Variants in NAA16 observed in about 807,000 individuals in gnomAD.
The protein encoded by NAA16 is N-alpha-acetyltransferase 16, NatA auxiliary subunit, also known as NARG1-like protein.
NAA16 carries 97 observed loss-of-function variants against 110.3 expected under a neutral mutation model. That is an observed-to-expected ratio of 0.88 (90% CI 0.75 to 1.04). The LOEUF (loss-of-function observed/expected upper bound fraction) is 1.04, where lower values mean the gene tolerates loss of function less well. Ranked by LOEUF, NAA16 falls within the 50% of genes least tolerant of loss-of-function variation. The probability of loss-of-function intolerance (pLI) is 0.00; values close to 1 mark genes in which losing one functional copy is unlikely to be tolerated. For missense variants in NAA16, 1,017 were observed against 1,005.1 expected (o/e 1.01, Z -0.16); for synonymous variants, 372 against 330.6 (o/e 1.13, Z -1.36).
At chr13:41,373,364 T>A (rs2043361044) in intron 17 of NAA16, 3 of 305,198 alleles carry the variant, frequency 9.8e-6, no homozygotes, top group Non-Finnish European at 1.4e-5. Flanking sequence ...TTCAAGTGAT[T>A]CTCCTGACTC....
intron 9 of NAA16, 80 bp from the exon 10 acceptor site, chr13:41,355,064 C>T: frequency 2.4e-6 from 2 of 836,908 alleles, no homozygotes; most frequent in Admixed American, 2.4e-5. Context: ...GTATATTTTC[C>T]AAATGTAATT....
chr13:41,345,990 C>A (rs1470191969), intron 9 of NAA16, among the ~76,000 whole-genome samples: 1 of 152,178 alleles, frequency 6.6e-6, no homozygotes, highest in Non-Finnish European at 1.5e-5. Context: ...ATTTGATGCA[C>A]TAAAAATTTT....
chr13:41,360,612 G>T (rs2043093132), intron 12 of NAA16, among the ~76,000 whole-genome samples: 1 of 152,162 alleles, frequency 6.6e-6, no homozygotes, highest in Admixed American at 6.5e-5. Flanking sequence ...TTGCCATGCT[G>T]TATGGCAAGC....
intron 13 of NAA16, among the ~76,000 whole-genome samples, chr13:41,366,500 G>A (rs1338550360): frequency 6.6e-6 from 1 of 152,084 alleles, no homozygotes; most frequent in Non-Finnish European, 1.5e-5. Flanking sequence ...ATGCATGCAG[G>A]GGAACAGTAT....
chr13:41,359,136 G>A (rs577588450), intron 12 of NAA16, among the ~76,000 whole-genome samples, 174 bp downstream of exon 12: 1 of 152,014 alleles, frequency 6.6e-6, no homozygotes, highest in Non-Finnish European at 1.5e-5. Context: ...TCTTACTGTG[G>A]TTGTGTATCT....
intron 1 of NAA16, among the ~76,000 whole-genome samples, chr13:41,314,142 A>G (rs1274164677): frequency 2.6e-5 from 4 of 152,146 alleles, no homozygotes; most frequent in Non-Finnish European, 5.9e-5. Flanking sequence ...TGCATCTCAT[A>G]GGCTTTCCTG....
intron 10 of NAA16, among the ~76,000 whole-genome samples, chr13:41,356,992 G>C (rs527539670): frequency 6.6e-6 from 1 of 152,260 alleles, no homozygotes; most frequent in South Asian, 2.1e-4. Context: ...TAAAGATTCA[G>C]ATGTTGTCAG....
At chr13:41,327,097 GTAGT>G in intron 6 of NAA16, among the ~76,000 whole-genome samples, 1 of 151,680 alleles carries the variant, frequency 6.6e-6, no homozygotes, top group South Asian at 2.1e-4. Context: ...TTTTCACTTA[GTAGT>G]GTATGTTTTT....
intron 13 of NAA16, 34 bp from the exon 14 acceptor site, chr13:41,367,405 T>A: frequency 6.9e-7 from 1 of 1,456,556 alleles, no homozygotes; most frequent in Non-Finnish European, 9.5e-7. Context: ...TTGACATAAA[T>A]GTAAAGGTTA....
intron 19 of NAA16, among the ~76,000 whole-genome samples, 178 bp from the exon 20 acceptor site, chr13:41,375,227 G>A (rs766035746): frequency 2.0e-5 from 3 of 152,086 alleles, no homozygotes; most frequent in African/African-American, 4.8e-5. Flanking sequence ...TGCCTTTTTC[G>A]GGGTTGAATT....
intron 9 of NAA16, among the ~76,000 whole-genome samples, chr13:41,350,830 G>T (rs560162035): frequency 6.6e-6 from 1 of 152,104 alleles, no homozygotes; most frequent in East Asian, 1.9e-4. Context: ...TTACCATGTT[G>T]CCCAGGCTGG....
At chr13:41,324,618 C>T (rs564267969) in intron 5 of NAA16, among the ~76,000 whole-genome samples, 2 of 151,628 alleles carry the variant, frequency 1.3e-5, no homozygotes, top group South Asian at 4.2e-4. Flanking sequence ...TTGTGATCCA[C>T]GTGCCTCTGC....
chr13:41,312,377 G>T (rs1566233820), intron 1 of NAA16, among the ~76,000 whole-genome samples: 1 of 152,172 alleles, frequency 6.6e-6, no homozygotes, highest in Non-Finnish European at 1.5e-5. Flanking sequence ...GACCGCTGCG[G>T]AGCCGGGTGG....
chr13:41,336,603 A>G, intron 8 of NAA16, 47 bp from the exon 9 acceptor site: 1 of 1,139,842 alleles, frequency 8.8e-7, no homozygotes, highest in Non-Finnish European at 1.3e-6. Context: ...CATTTTAAGA[A>G]TTGTTTGCGT....
Position 41,315,276 on chromosome 13 carries a change from C to A in NAA16, c.55-1570C>A, listed in dbSNP as rs367890548. 4.0e-4 allele frequency among the ~76,000 whole-genome samples: 61 copies of A among 152,060 alleles called. 1 individual carries two copies. The East Asian group carries it at 9.3e-3, about 23-fold the overall frequency. On this transcript the variant is annotated intron_variant, in intron 1 of 19. Coordinates refer to ENST00000379406, the MANE Select transcript of NAA16 (RefSeq NM_024561.5). The stretch of plus-strand genomic sequence containing the variant: ...GCAGAAGGAACACAAGTGTAGGAGG[C>A]CTGAGGTGGGGATAAGCTTGGCATG...
chr13:41,333,086 C>G (rs1436308376), intron 8 of NAA16, among the ~76,000 whole-genome samples: 1 of 152,068 alleles, frequency 6.6e-6, no homozygotes, highest in Non-Finnish European at 1.5e-5. Context: ...CTGGGTTAGA[C>G]ACAGCTATCA....
chr13:41,369,264 T>C lies in NAA16; in HGVS notation c.1928T>C (p.Ile643Thr), dbSNP rs370233615. The change falls in exon 15 of 20, where the codon ATA becomes ACA. Residue 643 changes from isoleucine (I) to threonine (T), a missense_variant. Transcript: ENST00000379406. ...GCCAGTGGCCTTAAGGAAGAACTTA[T>C]ACCTGAAAAATTAGAAAGGGTGAGA... is the stretch of plus-strand genomic sequence containing the variant. ...EEASGLKEEL[I>T]PEKLERVENP... 17 of 1,569,856 alleles carry C rather than the reference T, an allele frequency of 1.1e-5. No individual in the cohort carries two copies. Among genetic ancestry groups the C allele is most frequent in the South Asian group, 7.3e-5 (6 of 82,348 alleles).
chr13:41,311,789 C>T (rs1275397969), intron 1 of NAA16, among the ~76,000 whole-genome samples: 1 of 152,214 alleles, frequency 6.6e-6, no homozygotes, highest in African/African-American at 2.4e-5. Flanking sequence ...GCTTCCTTTC[C>T]GCGGTCTTCT....
chr13:41,362,893 C>T (rs926430389), intron 13 of NAA16: 8 of 1,182,922 alleles, frequency 6.8e-6, no homozygotes, highest in Admixed American at 6.3e-5. Flanking sequence ...ATGTCTGCAC[C>T]GTGGCAGTCA....
Sources: gnomAD v4.1 joint callset for allele counts (sites outside exome capture counted in the v4.1 genomes callset) on GRCh38, gnomAD v4.1.1 for gene constraint, MANE v1.5 for transcripts, NCBI Gene and HGNC (gene_info 2026-07-23, HGNC 2026-07-21) for gene names.